Variants in SYT7 observed in about 807,000 individuals in gnomAD.
The protein encoded by SYT7 is synaptotagmin 7, also known as synaptotagmin-7.
A neutral mutation model predicts 75.1 loss-of-function variants in SYT7; 29 were observed. The observed-to-expected ratio is 0.39, with a 90% CI of 0.29 to 0.53. The LOEUF is 0.53. Among genes scored for constraint, SYT7 ranks in the 20% least tolerant of loss-of-function variants. The pLI is 0.77. For missense variants in SYT7, 693 were observed against 953.2 expected (o/e 0.73, Z 3.59); for synonymous variants, 376 against 401.7 (o/e 0.94, Z 0.76).
chr11:61,527,632 G>A (rs2062560166), intron 9 of SYT7, among the ~76,000 whole-genome samples: 1 of 152,218 alleles, frequency 6.6e-6, no homozygotes, highest in Non-Finnish European at 1.5e-5. Flanking sequence ...GCTCCATTGG[G>A]CTCCTGTGAC....
intron 8 of SYT7, 51 bp from the exon 9 acceptor site, chr11:61,528,236 C>G: frequency 6.3e-7 from 1 of 1,587,296 alleles, no homozygotes; most frequent in Non-Finnish European, 8.5e-7. Context: ...CTGCTTCCCC[C>G]ATGTCCCCAC....
chr11:61,543,571 C>T (rs1194577064), intron 5 of SYT7, among the ~76,000 whole-genome samples: 1 of 152,236 alleles, frequency 6.6e-6, no homozygotes, highest in Non-Finnish European at 1.5e-5. Flanking sequence ...AAAGTGACTC[C>T]ACCTCTCTGG....
chr11:61,581,410 G>T (rs1199365742), upstream of SYT7, among the ~76,000 whole-genome samples: 1 of 152,124 alleles, frequency 6.6e-6, no homozygotes, highest in Non-Finnish European at 1.5e-5. Context: ...GATGGCCGCG[G>T]CCTGGCACCG....
Position 61,523,210 on chromosome 11 carries a change from C to A in SYT7, c.1821G>T (p.Thr607=). 2 of 1,614,200 alleles carry A rather than the reference C, an allele frequency of 1.2e-6. No homozygotes were observed. Among genetic ancestry groups the A allele is most frequent in the Non-Finnish European group, 1.7e-6 (2 of 1,180,052 alleles). ...DKRVEKKKTV[T]MKRNLNPIFN... The stretch of plus-strand genomic sequence containing the variant: ...AGATGGGGTTCAGGTTCCTCTTCAT[C>A]GTCACCGTCTTCTTCTTCTCCACCC... The change falls in exon 12 of 13, where the codon ACG becomes ACT. Residue 607 remains threonine (T), a synonymous_variant. Coordinates refer to ENST00000539008, the MANE Select transcript of SYT7 (RefSeq NM_001365809.2). The surrounding 1 kb of genome is among the most constrained non-coding windows in gnomAD (Gnocchi z 5.0).
rs2062450640 is a variant in SYT7, at chr11:61,524,500, G to C, written c.1504C>G (p.Leu502Val). 6.2e-7 allele frequency: 1 copy of C among 1,607,386 alleles called. No individual in the cohort carries two copies. The highest frequency in any genetic ancestry group is 8.5e-7 in the Non-Finnish European group (1 of 1,176,282). Residue 502 changes from leucine to valine, a missense_variant, in exon 10 of 13, where the codon CTC (leucine) becomes GTC (valine). By Grantham distance (32) the Leu-to-Val change is conservative. Coordinates refer to ENST00000539008, the MANE Select transcript of SYT7 (RefSeq NM_001365809.2). This position sits in a 1 kb window ranked among gnomAD's most constrained non-coding sequence, Gnocchi z 4.1. ...FPYEKVVQRI[L>V]YLQVLDYDRF... ...TCATAGTCCAGGACTTGGAGGTAGA[G>C]GATCCTCTGCACCACCTTCTCATAG...
intron 8 of SYT7, among the ~76,000 whole-genome samples, chr11:61,528,657 G>A (rs963609477): frequency 6.6e-6 from 1 of 152,144 alleles, no homozygotes; most frequent in Non-Finnish European, 1.5e-5. Context: ...AGAGTTTACC[G>A]CAACAATTCT....
intron 1 of SYT7, among the ~76,000 whole-genome samples, chr11:61,561,217 T>A (rs1051391790): frequency 2.0e-5 from 3 of 152,110 alleles, no homozygotes; most frequent in Non-Finnish European, 4.4e-5. Flanking sequence ...AGAGGAGACA[T>A]CCTAGGTCCC....
chr11:61,546,376 A>G lies in SYT7; in HGVS notation c.348-121T>C. 1 of 619,504 alleles carries G rather than the reference A, an allele frequency of 1.6e-6. No individual in the cohort carries two copies. The highest frequency in any genetic ancestry group is 3.1e-5 in the East Asian group (1 of 32,274). 38.4% of individuals were successfully genotyped at this position (619,504 alleles called of 1,614,324 possible). ...AGGAAGAAAAACAATAACAGATAAA[A>G]GGAAGAAAGAGACAGTGAGAGAGGA... On this transcript the variant is annotated intron_variant, in intron 4 of 12. Transcript: ENST00000539008. This position sits in a 1 kb window ranked among gnomAD's most constrained non-coding sequence, Gnocchi z 7.6.
At chr11:61,537,143 G>A (rs2062891850) in intron 7 of SYT7, among the ~76,000 whole-genome samples, 2 of 152,218 alleles carry the variant, frequency 1.3e-5, no homozygotes, top group Non-Finnish European at 2.9e-5. Context: ...CTCCCTTGCA[G>A]GCCTTTGGTC....
rs1329943264 is a variant in SYT7, at chr11:61,523,188, T to C, written c.1843A>G (p.Ile615Val). 4 of 1,614,200 alleles carry C rather than the reference T, an allele frequency of 2.5e-6. No homozygotes were observed. The highest frequency in any genetic ancestry group is 3.4e-6 in the Non-Finnish European group (4 of 1,180,038). Residue 615 changes from isoleucine to valine, a missense_variant, in exon 12 of 13, where the codon ATC (isoleucine) becomes GTC (valine). Around this residue, in one of 2 missense-constraint regions of SYT7, gnomAD observed 206 missense variants for 360.0 expected, o/e 0.57. Coordinates refer to ENST00000539008, the MANE Select transcript of SYT7 (RefSeq NM_001365809.2). The surrounding 1 kb of genome is among the most constrained non-coding windows in gnomAD (Gnocchi z 5.0). Reference sequence around the variant, plus strand: ...TCGAAGGCGAAGGACTCATTGAAGATGGGGTTCAGGTTCCTCTTCATCGTC... The same window carrying C: ...TCGAAGGCGAAGGACTCATTGAAGACGGGGTTCAGGTTCCTCTTCATCGTC... ...TVTMKRNLNP[I>V]FNESFAFDIP...
Position 61,524,041 on chromosome 11 carries a change from AC to A in SYT7, c.1642-101del. 1 of 1,069,086 alleles carries A rather than the reference AC, an allele frequency of 9.4e-7. No individual in the cohort carries two copies. Among genetic ancestry groups the A allele is most frequent in the Non-Finnish European group, 1.4e-6 (1 of 706,882 alleles). 66.2% of individuals were successfully genotyped at this position (1,069,086 alleles called of 1,614,324 possible). On this transcript the variant is annotated intron_variant, in intron 10 of 12. Coordinates refer to ENST00000539008, the MANE Select transcript of SYT7 (RefSeq NM_001365809.2). This position sits in a 1 kb window ranked among gnomAD's most constrained non-coding sequence, Gnocchi z 4.1. The stretch of plus-strand genomic sequence containing the variant: ...CCCCTCTACCCTGACCTTGGTGCTT[AC>A]CCATGCCCCTGTCTGTCACCTCTGT...
At chr11:61,572,184 G>A (rs2063942374) in intron 1 of SYT7, among the ~76,000 whole-genome samples, 1 of 152,202 alleles carries the variant, frequency 6.6e-6, no homozygotes, top group African/African-American at 2.4e-5. Context: ...AGGGAGAGAG[G>A]GGTTCCTCCC....
rs2064235361 is a variant in SYT7 at position 61,580,676 on chromosome 11, CG to C, written c.31+113del. 1.5e-6 allele frequency: 1 copy of C among 676,152 alleles called. No individual in the cohort carries two copies. Among genetic ancestry groups the C allele is most frequent in the African/African-American group, 1.9e-5 (1 of 52,710 alleles). The allele number at this position is 676,152 out of a possible 1,614,324, so 41.9% of individuals were successfully genotyped here. On this transcript the variant is annotated intron_variant, in intron 1 of 12. Coordinates refer to ENST00000539008, the MANE Select transcript of SYT7 (RefSeq NM_001365809.2). The surrounding 1 kb of genome is among the most constrained non-coding windows in gnomAD (Gnocchi z 6.1). ...GGCTGGGATGACCCCTGGGGGAGCC[CG>C]TGCGGCTCCGGGCGGACAACAGCCC...
chr11:61,586,555 C>T, the SYT7 span, among the ~76,000 whole-genome samples: 1 of 152,182 alleles, frequency 6.6e-6, no homozygotes, highest in South Asian at 2.1e-4. Context: ...GTCTTGGACC[C>T]CTGTGAAAAT....
intron 7 of SYT7, chr11:61,533,443 C>G: frequency 1.0e-6 from 1 of 985,436 alleles, no homozygotes; most frequent in Non-Finnish European, 1.2e-6. Context: ...TAGTCGGTCT[C>G]TGAGGTGGCC....
rs1279199761 is a variant in SYT7 at position 61,523,906 on chromosome 11, G to A, written c.1677C>T (p.Tyr559=). 1 of 1,613,964 alleles carries A rather than the reference G, an allele frequency of 6.2e-7. No individual in the cohort carries two copies. Among genetic ancestry groups the A allele is most frequent in the African/African-American group, 1.3e-5 (1 of 74,912 alleles). The change falls in exon 11 of 13, where the codon TAC becomes TAT. Residue 559 remains tyrosine (Y), a synonymous_variant. Coordinates refer to ENST00000539008, the MANE Select transcript of SYT7 (RefSeq NM_001365809.2). This position sits in a 1 kb window ranked among gnomAD's most constrained non-coding sequence, Gnocchi z 5.0. ...SRGELLLSLC[Y]NPSANSIIVN... ...CGATGATGGAGTTGGCAGAGGGGTTGTAGCAGAGAGACAAGAGCAGCTCCC... is the reference window on the plus strand; with the variant it reads ...CGATGATGGAGTTGGCAGAGGGGTTATAGCAGAGAGACAAGAGCAGCTCCC...
rs1162011478 is a variant in SYT7 at position 61,553,649 on chromosome 11, C to A, written c.136-2186G>T. ...CTTGATGTGGAGGGCAGGGGGACAA[C>A]CCAAGTTAACAGGAAACCAGGCAGG... On this transcript the variant is annotated intron_variant, in intron 2 of 12. Coordinates refer to ENST00000539008, the MANE Select transcript of SYT7 (RefSeq NM_001365809.2). This position sits in a 1 kb window ranked among gnomAD's most constrained non-coding sequence, Gnocchi z 5.2. Among the ~76,000 whole-genome samples, 1 of 152,226 alleles carries A rather than the reference C, an allele frequency of 6.6e-6. No homozygotes were observed. The highest frequency in any genetic ancestry group is 1.5e-5 in the Non-Finnish European group (1 of 68,044).
At chr11:61,561,555 A>G (rs2063636454) in intron 1 of SYT7, among the ~76,000 whole-genome samples, 1 of 152,186 alleles carries the variant, frequency 6.6e-6, no homozygotes, top group South Asian at 2.1e-4. Flanking sequence ...CCTGCTTCTG[A>G]GGGTGGACAA....
At position 61,546,325 on chromosome 11, in the gene SYT7, C is replaced by A; in HGVS notation, c.348-70G>T. ...TGGCGGTGGGGGAGAGAGGGCAGGC[C>A]ATACGTGGGGGTCGGGGGGTGGAAG... On this transcript the variant is annotated intron_variant, in intron 4 of 12. Transcript: ENST00000539008. The surrounding 1 kb of genome is among the most constrained non-coding windows in gnomAD (Gnocchi z 7.6). The A allele has an allele frequency of 9.2e-7, 1 of 1,091,196 alleles. No individual in the cohort carries two copies. The highest frequency in any genetic ancestry group is 1.7e-5 in the African/African-American group (1 of 60,116). 67.6% of individuals were successfully genotyped at this position (1,091,196 alleles called of 1,614,324 possible).
Sources: gnomAD v4.1 joint callset for allele counts (sites outside exome capture counted in the v4.1 genomes callset) on GRCh38, gnomAD v4.1.1 for gene constraint, gnomAD v4.1.1 regional missense constraint, Gnocchi (gnomAD v3.1) non-coding constraint, MANE v1.5 for transcripts, NCBI Gene and HGNC (gene_info 2026-07-23, HGNC 2026-07-21) for gene names.